The following GABBR2 variants were observed in gnomAD, a reference collection of about 807,000 sequenced individuals.
The protein encoded by GABBR2 is gamma-aminobutyric acid type B receptor subunit 2.
GABBR2 carries 23 observed loss-of-function variants against 105.6 expected under a neutral mutation model. The observed-to-expected ratio is 0.22, with a 90% CI of 0.16 to 0.31. GABBR2 has a LOEUF of 0.31. Ranked by LOEUF, GABBR2 falls within the 10% of genes least tolerant of loss-of-function variation. GABBR2 has a pLI of 1.00. For synonymous variants in GABBR2, 478 were observed against 499.7 expected (o/e 0.96, Z 0.58); for missense variants, 734 against 1,245.5 (o/e 0.59, Z 6.18).
intron 2 of GABBR2, among the ~76,000 whole-genome samples, chr9:98,543,243 G>A (rs1411799329): frequency 1.3e-5 from 2 of 152,014 alleles, no homozygotes; most frequent in Non-Finnish European, 2.9e-5. Context: ...AGTTATCAAA[G>A]TTTTTGATCT....
chr9:98,445,151 A>C (rs1038080886), intron 7 of GABBR2, among the ~76,000 whole-genome samples: 2 of 152,214 alleles, frequency 1.3e-5, no homozygotes, highest in African/African-American at 4.8e-5. Flanking sequence ...GGAATTATTG[A>C]GCTTCTACCA....
chr9:98,571,017 G>A (rs1318974185), intron 2 of GABBR2, among the ~76,000 whole-genome samples: 1 of 152,230 alleles, frequency 6.6e-6, no homozygotes. Flanking sequence ...AGGCCGAGGG[G>A]CAGGGTGAAT....
chr9:98,497,130 G>A (rs915498801), intron 3 of GABBR2, among the ~76,000 whole-genome samples: 2 of 152,216 alleles, frequency 1.3e-5, no homozygotes, highest in East Asian at 3.9e-4. Context: ...AGGGCTGGGC[G>A]TGGGCTCACA....
intron 1 of GABBR2, among the ~76,000 whole-genome samples, chr9:98,608,488 G>T (rs568904451): frequency 2.8e-4 from 42 of 152,194 alleles, no homozygotes; most frequent in African/African-American, 9.9e-4. Context: ...ACTCTGGAAG[G>T]TTTTCATTGA....
intron 2 of GABBR2, among the ~76,000 whole-genome samples, chr9:98,574,492 C>T (rs1828881714): frequency 1.3e-5 from 2 of 152,196 alleles, no homozygotes; most frequent in Non-Finnish European, 2.9e-5. Context: ...TGATGCCAGC[C>T]CCCAGCCTTC....
chr9:98,375,942 A>G (rs763246254), intron 11 of GABBR2, among the ~76,000 whole-genome samples: 1 of 152,214 alleles, frequency 6.6e-6, no homozygotes, highest in Non-Finnish European at 1.5e-5. Context: ...TGGTTCGTCA[A>G]CACCAAATAG....
chr9:98,686,431 C>G (rs1830621673), intron 1 of GABBR2, among the ~76,000 whole-genome samples: 1 of 152,060 alleles, frequency 6.6e-6, no homozygotes, highest in Non-Finnish European at 1.5e-5. Context: ...GAGTCTTTCT[C>G]TGTCACCCAG....
chr9:98,621,590 C>T (rs960718865), intron 1 of GABBR2, among the ~76,000 whole-genome samples: 1 of 152,210 alleles, frequency 6.6e-6, no homozygotes, highest in African/African-American at 2.4e-5. Context: ...CTCTGTGGGC[C>T]TACTAAGGGC....
chr9:98,577,907 C>T (rs372977861), intron 2 of GABBR2, 28 bp downstream of exon 2: 50 of 1,580,408 alleles, frequency 3.2e-5, no homozygotes, highest in Non-Finnish European at 2.0e-5. Flanking sequence ...AGACACCTCC[C>T]CACAAAAGAA....
intron 5 of GABBR2, among the ~76,000 whole-genome samples, chr9:98,478,655 T>C (rs926975190): frequency 1.3e-5 from 2 of 152,178 alleles, no homozygotes; most frequent in African/African-American, 2.4e-5. Context: ...TAGACAGCCA[T>C]GCCATCTGTT....
chr9:98,291,609 C>G (rs1588083546), intron 18 of GABBR2, among the ~76,000 whole-genome samples: 1 of 152,180 alleles, frequency 6.6e-6, no homozygotes, highest in African/African-American at 2.4e-5. Context: ...AAAAGGGACA[C>G]TGATGTGATA....
intron 1 of GABBR2, among the ~76,000 whole-genome samples, chr9:98,641,690 C>T (rs1341951412): frequency 1.3e-5 from 2 of 152,130 alleles, no homozygotes; most frequent in African/African-American, 2.4e-5. Context: ...TCCATTCTGC[C>T]TTAATTTTAG....
intron 6 of GABBR2, among the ~76,000 whole-genome samples, chr9:98,455,775 C>T (rs1564076068): frequency 6.6e-6 from 1 of 152,236 alleles, no homozygotes; most frequent in Non-Finnish European, 1.5e-5. Flanking sequence ...AGCCAAGTCT[C>T]TTGTGGGGTC....
chr9:98,366,828 G>A (rs1315017456), intron 12 of GABBR2, among the ~76,000 whole-genome samples: 1 of 152,150 alleles, frequency 6.6e-6, no homozygotes, highest in East Asian at 1.9e-4. Context: ...TCATGTTATT[G>A]TCTACAACAG....
chr9:98,667,793 C>T (rs1330040352), intron 1 of GABBR2, among the ~76,000 whole-genome samples: 1 of 152,212 alleles, frequency 6.6e-6, no homozygotes, highest in East Asian at 1.9e-4. Context: ...TTGTAAATAT[C>T]TGCCTTGGTT....
intron 4 of GABBR2, among the ~76,000 whole-genome samples, chr9:98,486,514 A>T (rs374708279): frequency 3.3e-5 from 5 of 152,190 alleles, no homozygotes; most frequent in African/African-American, 1.2e-4. Flanking sequence ...GTCAAGCTCG[A>T]CCCTGAGCCT....
At position 98,539,253 on chromosome 9, in the gene GABBR2, T is replaced by A. The variant is rs182673229; in HGVS notation, c.630+2620A>T. ...CCATCACTCCTCCTTACAGGGTGGC[T>A]GTCTGTGAGAGTTTTTGGGAATCTA... On this transcript the variant is annotated intron_variant, in intron 3 of 18. Coordinates refer to ENST00000259455, the MANE Select transcript of GABBR2 (RefSeq NM_005458.8). Among the ~76,000 whole-genome samples the A allele has an allele frequency of 3.3e-5, 5 of 152,316 alleles. No homozygotes were observed. The East Asian group carries it at 9.7e-4, about 29-fold the overall frequency.
chr9:98,655,254 T>C (rs1365236089), intron 1 of GABBR2, among the ~76,000 whole-genome samples: 6 of 152,162 alleles, frequency 3.9e-5, no homozygotes, highest in Non-Finnish European at 5.9e-5. Context: ...TTGAAGTAGG[T>C]TCATTGATTG....
intron 1 of GABBR2, among the ~76,000 whole-genome samples, chr9:98,641,493 T>C (rs962498378): frequency 6.6e-6 from 1 of 152,134 alleles, no homozygotes; most frequent in Non-Finnish European, 1.5e-5. Context: ...AGCATTCTCA[T>C]GGGGTAAGAG....
Sources: allele counts gnomAD v4.1 joint callset (sites outside exome capture counted in the v4.1 genomes callset), GRCh38; gene constraint gnomAD v4.1.1; transcripts MANE v1.5; gene names NCBI Gene and HGNC (gene_info 2026-07-23, HGNC 2026-07-21).